Variants in LRRIQ1 observed in about 807,000 individuals in gnomAD.
The protein encoded by LRRIQ1 is leucine-rich repeat- and IQ domain-containing protein 1.
In LRRIQ1, 210 loss-of-function variants were observed where a neutral mutation model predicts 211.9. The ratio of observed to expected loss-of-function variants is 0.99; its 90% CI spans 0.89 to 1.11. The LOEUF (loss-of-function observed/expected upper bound fraction) is 1.11. Among genes scored for constraint, LRRIQ1 ranks in the 50% most tolerant of loss-of-function variants. The probability of loss-of-function intolerance (pLI) is 0.00; values close to 1 mark genes in which losing one functional copy is unlikely to be tolerated. For synonymous variants in LRRIQ1, 699 were observed against 650.1 expected, an observed-to-expected ratio of 1.08 and a Z score of -1.14; for missense variants, 2,136 against 1,939.5, an observed-to-expected ratio of 1.10 and a Z score of -1.90.
chr12:85,175,322 GAC>G (rs931460477), intron 24 of LRRIQ1, among the ~76,000 whole-genome samples: 2 of 152,136 alleles, frequency 1.3e-5, no homozygotes, highest in African/African-American at 4.8e-5. Context: ...ATTCCATGAT[GAC>G]AGAGAACACC....
rs559205716 is a variant in LRRIQ1 at position 85,190,403 on chromosome 12, ATAAC to A, written c.4822+29692_4822+29695del. Among the ~76,000 whole-genome samples, 1,095 of 147,070 alleles carry A rather than the reference ATAAC, an allele frequency of 7.4e-3. 52 individuals are homozygous for A. Among genetic ancestry groups the A allele is most frequent in the Non-Finnish European group, 2.2e-3 (150 of 66,966 alleles). On this transcript the variant is annotated intron_variant, in intron 24 of 26. Transcript: ENST00000393217. ...ATACAGTTAATGTATATCATTAACTATAACTATACAGTTAATATAAATAATTATA... is the reference window on the plus strand; with the variant it reads ...ATACAGTTAATGTATATCATTAACTATATACAGTTAATATAAATAATTATA...
chr12:85,212,135 A>G (rs1256905487), intron 24 of LRRIQ1, among the ~76,000 whole-genome samples: 2 of 151,934 alleles, frequency 1.3e-5, no homozygotes, highest in East Asian at 3.9e-4. Context: ...AACAACAAAA[A>G]GTAGCCAGGT....
intron 24 of LRRIQ1, among the ~76,000 whole-genome samples, chr12:85,219,328 A>G (rs1471942230): frequency 6.6e-6 from 1 of 152,146 alleles, no homozygotes; most frequent in Non-Finnish European, 1.5e-5. Context: ...ATTTGTTAAT[A>G]AGCACAACTA....
chr12:85,175,823 C>G (rs371843405), intron 24 of LRRIQ1, among the ~76,000 whole-genome samples: 1 of 151,984 alleles, frequency 6.6e-6, no homozygotes, highest in East Asian at 1.9e-4. Flanking sequence ...TGGAGATATG[C>G]GGCATTATTT....
At chr12:85,045,603 T>G (rs904665714) in intron 4 of LRRIQ1, among the ~76,000 whole-genome samples, 1 of 151,928 alleles carries the variant, frequency 6.6e-6, no homozygotes, top group Non-Finnish European at 1.5e-5. Flanking sequence ...GTATATATAA[T>G]TTAGGTTACA....
At position 85,131,089 on chromosome 12, in the gene LRRIQ1, GCC is replaced by G. The variant is rs1489064792; in HGVS notation, c.4209+3057_4209+3058del. On this transcript the variant is annotated intron_variant, in intron 18 of 26. Transcript: ENST00000393217. Reference sequence around the variant, plus strand: ...AAATTAGCCAGGCATGGTGGCAGGTGCCTGTAAACTACTTGGGAGGCTGAGAC... The same window carrying G: ...AAATTAGCCAGGCATGGTGGCAGGTGTGTAAACTACTTGGGAGGCTGAGAC... Among the ~76,000 whole-genome samples, 661 of 151,176 alleles carry G rather than the reference GCC, an allele frequency of 4.4e-3. 2 individuals carry two copies. Among genetic ancestry groups the G allele is most frequent in the African/African-American group, 0.015 (628 of 41,172 alleles).
intron 24 of LRRIQ1, among the ~76,000 whole-genome samples, chr12:85,207,631 T>C (rs1044411410): frequency 1.3e-5 from 2 of 152,178 alleles, no homozygotes; most frequent in African/African-American, 2.4e-5. Context: ...TCCTGTGTTA[T>C]CTCCTAGTAG....
intron 26 of LRRIQ1, among the ~76,000 whole-genome samples, chr12:85,241,760 G>C (rs1334006032): frequency 6.6e-6 from 1 of 151,800 alleles, no homozygotes; most frequent in Non-Finnish European, 1.5e-5. Flanking sequence ...ATAGACATTT[G>C]TTTTTATGTG....
At chr12:85,269,370 TA>T (rs1313686114), downstream of LRRIQ1, among the ~76,000 whole-genome samples, 2 of 151,980 alleles carry the variant, frequency 1.3e-5, no homozygotes, top group Non-Finnish European at 2.9e-5. Context: ...TAGACATGGT[TA>T]GGGGAAATGG....
intron 25 of LRRIQ1, among the ~76,000 whole-genome samples, chr12:85,230,543 T>A (rs1894883395): frequency 6.6e-6 from 1 of 152,170 alleles, no homozygotes; most frequent in Admixed American, 6.5e-5. Flanking sequence ...ACAGCCATAT[T>A]CTGAGGTACT....
At chr12:85,183,541 A>C (rs1892088977) in intron 24 of LRRIQ1, among the ~76,000 whole-genome samples, 1 of 152,056 alleles carries the variant, frequency 6.6e-6, no homozygotes, top group Admixed American at 6.6e-5. Flanking sequence ...ATTCACTTGA[A>C]ATAAAATAAA....
At chr12:85,250,960 T>G (rs1187184210) in intron 1 of LRRIQ1, among the ~76,000 whole-genome samples, 3 of 113,200 alleles carry the variant, frequency 2.7e-5, no homozygotes, top group East Asian at 5.4e-4. Context: ...ATATATTATA[T>G]ATTATATTAT....
chr12:85,187,702 G>T (rs113026414), intron 24 of LRRIQ1, among the ~76,000 whole-genome samples: 1 of 151,462 alleles, frequency 6.6e-6, no homozygotes, highest in Non-Finnish European at 1.5e-5. Flanking sequence ...CCAGCTACCC[G>T]GGAGGCTGAG....
At chr12:85,099,642 T>C (rs1302206061) in intron 13 of LRRIQ1, among the ~76,000 whole-genome samples, 1 of 151,842 alleles carries the variant, frequency 6.6e-6, no homozygotes, top group East Asian at 1.9e-4. Flanking sequence ...TTCACTATAA[T>C]ATGATTAATT....
intron 15 of LRRIQ1, among the ~76,000 whole-genome samples, chr12:85,114,727 T>C (rs1887452368): frequency 6.6e-6 from 1 of 152,174 alleles, no homozygotes; most frequent in Non-Finnish European, 1.5e-5. Flanking sequence ...AAATGAACTT[T>C]TCTGGACTAG....
At chr12:85,105,384 G>A (rs74111836) in intron 14 of LRRIQ1, among the ~76,000 whole-genome samples, 1,998 of 152,108 alleles carry the variant, frequency 0.013, 51 homozygotes, top group African/African-American at 0.045. Flanking sequence ...TGAAGTAGAG[G>A]TTGAGTTCAT....
rs1431864230 is a variant in LRRIQ1 at position 85,124,433 on chromosome 12, T to TCCCAC, written c.3923_3927dup (p.Ile1310ProfsTer3). 2.5e-5 allele frequency: 41 copies of TCCCAC among 1,613,898 alleles called. No homozygotes were observed. Among genetic ancestry groups the TCCCAC allele is most frequent in the Non-Finnish European group, 3.1e-5 (37 of 1,180,026 alleles). On this transcript the variant is annotated frameshift_variant, in exon 17 of 27. Coordinates refer to ENST00000393217, the MANE Select transcript of LRRIQ1 (RefSeq NM_001079910.2). LOFTEE classifies it high-confidence loss of function. ...GAGAAGACAGCAAGGCAAGCAGTAT[T>TCCCAC]CCCACCATAAGAATCCCATTTAAGG...
intron 24 of LRRIQ1, among the ~76,000 whole-genome samples, chr12:85,198,654 G>A (rs1186541790): frequency 2.0e-5 from 3 of 151,020 alleles, no homozygotes; most frequent in Admixed American, 6.6e-5. Flanking sequence ...TGCAAGCTCC[G>A]CCTCCTGGGT....
At chr12:85,086,494 T>C (rs1884831541) in intron 11 of LRRIQ1, among the ~76,000 whole-genome samples, 1 of 152,142 alleles carries the variant, frequency 6.6e-6, no homozygotes, top group African/African-American at 2.4e-5. Context: ...ATTGTAAACT[T>C]CCTGAGGCCT....
Sources: gnomAD v4.1 joint callset for allele counts (sites outside exome capture counted in the v4.1 genomes callset) on GRCh38, gnomAD v4.1.1 for gene constraint, MANE v1.5 for transcripts, NCBI Gene and HGNC (gene_info 2026-07-23, HGNC 2026-07-21) for gene names.